AAMP: variants seen among roughly 807,000 people sequenced by gnomAD.
The protein encoded by AAMP is angio associated migratory cell protein.
In AAMP, 12 loss-of-function variants were observed where a neutral mutation model predicts 51.1. The observed-to-expected ratio is 0.23, with a 90% CI of 0.15 to 0.38. The LOEUF (loss-of-function observed/expected upper bound fraction) is 0.38. Ranked by LOEUF, AAMP falls within the 10% of genes least tolerant of loss-of-function variation. AAMP has a pLI of 1.00. For missense variants in AAMP, 418 were observed against 557.2 expected (o/e 0.75, Z 2.52); for synonymous variants, 210 against 218.7 (o/e 0.96, Z 0.35).
chr2:218,268,196 T>C (rs1194941208), intron 2 of AAMP, among the ~76,000 whole-genome samples: 1 of 152,020 alleles, frequency 6.6e-6, no homozygotes, highest in Non-Finnish European at 1.5e-5. Flanking sequence ...CTCGAACTCC[T>C]AACCTTCTGA....
Position 218,266,271 on chromosome 2 carries a change from G to A in AAMP, c.680-124C>T, listed in dbSNP as rs1690626025. The A allele has an allele frequency of 6.2e-6, 8 of 1,295,290 alleles. No homozygotes were observed. The highest frequency in any genetic ancestry group is 8.8e-6 in the Non-Finnish European group (8 of 913,174). The allele number at this position is 1,295,290 out of a possible 1,614,324, so 80.2% of individuals were successfully genotyped here. ...AGACACTGCCCCAGGAATCACAGGT[G>A]AGTTCAGAGCAGGAAGGAGGCGCTG... On this transcript the variant is annotated intron_variant, in intron 5 of 10. Coordinates refer to ENST00000248450, the MANE Select transcript of AAMP (RefSeq NM_001087.5). This position sits in a 1 kb window ranked among gnomAD's most constrained non-coding sequence, Gnocchi z 4.7.
rs1417134576 is a variant in AAMP, at chr2:218,265,449, T to C, written c.996A>G (p.Ala332=). The change falls in exon 9 of 11, where the codon GCA becomes GCG. Residue 332 remains alanine, a synonymous_variant. Coordinates refer to ENST00000248450, the MANE Select transcript of AAMP (RefSeq NM_001087.5). The surrounding 1 kb of genome is among the most constrained non-coding windows in gnomAD (Gnocchi z 6.6). The stretch of plus-strand genomic sequence containing the variant: ...AGGTCCCATCCAGGTAGCCAACAGC[T>C]GCCAGGGGCATCCTGGCCAGAGGAG... ...SLGFCSVMPL[A]AVGYLDGTLA... is the part of the protein sequence containing the mutation. 7.6e-6 allele frequency: 12 copies of C among 1,569,266 alleles called. No homozygotes were observed. Among genetic ancestry groups the C allele is most frequent in the African/African-American group, 4.1e-5 (3 of 73,820 alleles).
At position 218,266,184 on chromosome 2, in the gene AAMP, A is replaced by G. The variant is rs1448991720; in HGVS notation, c.680-37T>C. 6.4e-7 allele frequency: 1 copy of G among 1,568,632 alleles called. No homozygotes were observed. Among genetic ancestry groups the G allele is most frequent in the African/African-American group, 1.4e-5 (1 of 73,948 alleles). On this transcript the variant is annotated intron_variant, in intron 5 of 10. Transcript: ENST00000248450. This position sits in a 1 kb window ranked among gnomAD's most constrained non-coding sequence, Gnocchi z 4.7. ...CACAGATGAAGAGAGGGCAGAGGGC[A>G]CGCTCACATACACTAAGCAAGGGAA...
At position 218,269,448 on chromosome 2, in the gene AAMP, G is replaced by A; in HGVS notation, c.208C>T (p.Gln70Ter). Residue 70 changes from glutamine (Q) to a stop codon, truncating the protein, a stop_gained, in exon 2 of 11, where the codon CAG (glutamine) becomes TAG (stop). Transcript: ENST00000248450. LOFTEE classifies it high-confidence loss of function. Reference sequence around the variant, plus strand: ...TCCATGCTGCCGACCACCCCTTCCTGGGGTTCTAGAACCCAGCCCTCTTCG... The same window carrying A: ...TCCATGCTGCCGACCACCCCTTCCTAGGGTTCTAGAACCCAGCCCTCTTCG... ...GNEEGWVLEPQEGVVGSMEGP... is the reference protein window; with the variant it reads ...GNEEGWVLEP 2.5e-6 allele frequency: 4 copies of A among 1,614,144 alleles called. No individual in the cohort carries two copies. The highest frequency in any genetic ancestry group is 3.4e-6 in the Non-Finnish European group (4 of 1,180,032).
In AAMP at chr2:218,265,118, G is replaced by A. The variant is rs1371287897; in HGVS notation, c.1131C>T (p.Ser377=). Residue 377 remains serine (S), a synonymous_variant, in exon 10 of 11, where the codon AGC becomes AGT. Transcript: ENST00000248450. The surrounding 1 kb of genome is among the most constrained non-coding windows in gnomAD (Gnocchi z 6.6). ...CCCAGAGGCGCACGATGCCATCCAG[G>A]CTGCAGGTATATACCACGGCAGTGC... ...EAGTAVVYTC[S]LDGIVRLWDA... The A allele has an allele frequency of 6.2e-7, 1 of 1,611,602 alleles. No homozygotes were observed. Among genetic ancestry groups the A allele is most frequent in the East Asian group, 2.2e-5 (1 of 44,880 alleles).
intron 2 of AAMP, among the ~76,000 whole-genome samples, chr2:218,268,214 G>A (rs1029421032): frequency 7.2e-5 from 11 of 151,988 alleles, no homozygotes; most frequent in South Asian, 2.1e-4. Flanking sequence ...TGATCCACCC[G>A]CCTCGGCCTC....
chr2:218,268,768 G>A (rs1690702467), intron 2 of AAMP, among the ~76,000 whole-genome samples: 1 of 141,426 alleles, frequency 7.1e-6, no homozygotes, highest in Admixed American at 7.3e-5. Context: ...GCGCAGTCTT[G>A]GTCCACTGCA....
chr2:218,264,952 G>A, intron 10 of AAMP, 68 bp downstream of exon 10: 1 of 1,600,056 alleles, frequency 6.2e-7, no homozygotes, highest in African/African-American at 1.3e-5. Context: ...CAAGGATCCT[G>A]TGTCCCCTAC....
chr2:218,264,517 G>A lies in AAMP; in HGVS notation c.*16C>T. On this transcript the variant is annotated 3_prime_UTR_variant, in exon 11 of 11. Coordinates refer to ENST00000248450, the MANE Select transcript of AAMP (RefSeq NM_001087.5). Reference sequence around the variant, plus strand: ...CGTCCCCTCAACACCAGACACACAGGCAGGGGCTGCAGCCATTAACGGTCA... The same window carrying A: ...CGTCCCCTCAACACCAGACACACAGACAGGGGCTGCAGCCATTAACGGTCA... The A allele has an allele frequency of 6.2e-7, 1 of 1,612,822 alleles. No individual in the cohort carries two copies. Among genetic ancestry groups the A allele is most frequent in the Non-Finnish European group, 8.5e-7 (1 of 1,178,866 alleles).
chr2:218,269,436 C>G lies in AAMP; in HGVS notation c.220G>C (p.Val74Leu). The change falls in exon 2 of 11, where the codon GTC becomes CTC. Residue 74 changes from valine (V) to leucine (L), a missense_variant. Val to Leu is a conservative substitution (Grantham distance 32). Transcript: ENST00000248450. ...TCGTCGGGGCCCTCCATGCTGCCGA[C>G]CACCCCTTCCTGGGGTTCTAGAACC... The part of the protein sequence containing the change: ...GWVLEPQEGV[V>L]GSMEGPDDSE... 1 of 1,614,238 alleles carries G rather than the reference C, an allele frequency of 6.2e-7. No homozygotes were observed. Among genetic ancestry groups the G allele is most frequent in the Non-Finnish European group, 8.5e-7 (1 of 1,180,038 alleles).
chr2:218,264,199 A>G lies in AAMP; in HGVS notation c.*334T>C. 1 of 383,482 alleles carries G rather than the reference A, an allele frequency of 2.6e-6. No individual in the cohort carries two copies. Among genetic ancestry groups the G allele is most frequent in the South Asian group, 4.3e-5 (1 of 23,130 alleles). The allele number at this position is 383,482 out of a possible 1,614,324, so 23.8% of individuals were successfully genotyped here. ...ATCTCTTCCTCCTTTCCACCCCCAG[A>G]GACTTGGGAAGGGAAAGAACGGGAA... On this transcript the variant is annotated 3_prime_UTR_variant, in exon 11 of 11. Coordinates refer to ENST00000248450, the MANE Select transcript of AAMP (RefSeq NM_001087.5).
Position 218,266,250 on chromosome 2 carries a change from A to T in AAMP, c.680-103T>A. The T allele has an allele frequency of 7.5e-7, 1 of 1,341,784 alleles. No homozygotes were observed. The highest frequency in any genetic ancestry group is 1.1e-6 in the Non-Finnish European group (1 of 948,316). 83.1% of individuals were successfully genotyped at this position (1,341,784 alleles called of 1,614,324 possible). A position where few individuals can be genotyped will look rare whatever the true frequency, so the allele number is the denominator to read the frequency against. ...GAAAGAAGAGTGGAAGGGCCCAGAC[A>T]CTGCCCCAGGAATCACAGGTGAGTT... On this transcript the variant is annotated intron_variant, in intron 5 of 10. Transcript: ENST00000248450. The surrounding 1 kb of genome is among the most constrained non-coding windows in gnomAD (Gnocchi z 4.7).
At position 218,266,280 on chromosome 2, in the gene AAMP, G is replaced by A; in HGVS notation, c.680-133C>T. On this transcript the variant is annotated intron_variant, in intron 5 of 10. Coordinates refer to ENST00000248450, the MANE Select transcript of AAMP (RefSeq NM_001087.5). This position sits in a 1 kb window ranked among gnomAD's most constrained non-coding sequence, Gnocchi z 4.7. ...CCCAGGAATCACAGGTGAGTTCAGA[G>A]CAGGAAGGAGGCGCTGTGAACTTTG... The A allele has an allele frequency of 7.7e-7, 1 of 1,305,772 alleles. No homozygotes were observed. The highest frequency in any genetic ancestry group is 1.1e-6 in the Non-Finnish European group (1 of 927,784). The allele number at this position is 1,305,772 out of a possible 1,614,324, so 80.9% of individuals were successfully genotyped here.
Position 218,267,346 on chromosome 2 carries a change from T to G in AAMP, c.394+148A>C. 1 of 1,211,962 alleles carries G rather than the reference T, an allele frequency of 8.3e-7. No individual in the cohort carries two copies. The allele number at this position is 1,211,962 out of a possible 1,614,324, so 75.1% of individuals were successfully genotyped here. ...CTCTGTGCCCAAAACACACTAGTAT[T>G]CGCCCCGTGTCCCTGGGGCCCAGCA... On this transcript the variant is annotated intron_variant, in intron 3 of 10. Coordinates refer to ENST00000248450, the MANE Select transcript of AAMP (RefSeq NM_001087.5). The surrounding 1 kb of genome is among the most constrained non-coding windows in gnomAD (Gnocchi z 4.6).
Position 218,265,325 on chromosome 2 carries a change from C to CA in AAMP, c.1074+45dup, listed in dbSNP as rs1167608692. 6.5e-7 allele frequency: 1 copy of CA among 1,531,098 alleles called. No homozygotes were observed. Among genetic ancestry groups the CA allele is most frequent in the Non-Finnish European group, 8.9e-7 (1 of 1,127,288 alleles). The allele number at this position is 1,531,098 out of a possible 1,614,324, so 94.8% of individuals were successfully genotyped here. ...CTCCTGGAGGCCTGGGCTTCCCCAC[C>CA]ACTATGGACACAGCCCACAGGGACC... On this transcript the variant is annotated intron_variant, in intron 9 of 10. Transcript: ENST00000248450. The surrounding 1 kb of genome is among the most constrained non-coding windows in gnomAD (Gnocchi z 6.6).
rs1690591550 is a variant in AAMP, at chr2:218,265,130, T to C, written c.1119A>G (p.Val373=). 2 of 1,606,488 alleles carry C rather than the reference T, an allele frequency of 1.2e-6. No homozygotes were observed. The highest frequency in any genetic ancestry group is 1.7e-4 in the Middle Eastern group (1 of 5,930). ...CGATGCCATCCAGGCTGCAGGTATA[T>C]ACCACGGCAGTGCCTGCCTCCCACA... is the stretch of plus-strand genomic sequence containing the variant. ...QLLWEAGTAV[V]YTCSLDGIVR... is the part of the protein sequence containing the mutation. The change falls in exon 10 of 11, where the codon GTA becomes GTG. Residue 373 remains valine, a synonymous_variant. Transcript: ENST00000248450. This position sits in a 1 kb window ranked among gnomAD's most constrained non-coding sequence, Gnocchi z 6.6.
rs778423807 is a variant in AAMP at position 218,265,798 on chromosome 2, C to T, written c.879+33G>A. 13 of 1,593,838 alleles carry T rather than the reference C, an allele frequency of 8.2e-6. No homozygotes were observed. In the East Asian group the frequency reaches 1.8e-4, roughly 22 times the overall value. ...GAAGGAAGGAGAGGAGTCGGGAAAG[C>T]GGAGGCCCCAGCCGGGCTCCAGGTC... On this transcript the variant is annotated intron_variant, in intron 7 of 10. Transcript: ENST00000248450. This position sits in a 1 kb window ranked among gnomAD's most constrained non-coding sequence, Gnocchi z 6.6.
At chr2:218,269,136 G>A (rs968153416) in intron 2 of AAMP, among the ~76,000 whole-genome samples, 8 of 152,208 alleles carry the variant, frequency 5.3e-5, no homozygotes, top group African/African-American at 1.9e-4. Context: ...CCCGGCCAAA[G>A]ATAACTTTTT....
At position 218,265,416 on chromosome 2, in the gene AAMP, G is replaced by T; in HGVS notation, c.1029C>A (p.Ile343=). The T allele has an allele frequency of 6.4e-7, 1 of 1,564,276 alleles. No individual in the cohort carries two copies. The highest frequency in any genetic ancestry group is 1.9e-5 in the Admixed American group (1 of 51,982). ...TAAGAGTCTGCGTAGCCAGGTCATA[G>T]ATGGCCAAGGTCCCATCCAGGTAGC... The part of the protein sequence containing the change: ...AVGYLDGTLA[I]YDLATQTLRH... The change falls in exon 9 of 11, where the codon ATC becomes ATA. Residue 343 remains isoleucine, a synonymous_variant. Transcript: ENST00000248450. This position sits in a 1 kb window ranked among gnomAD's most constrained non-coding sequence, Gnocchi z 6.6.
Sources: gnomAD v4.1 joint callset for allele counts (sites outside exome capture counted in the v4.1 genomes callset) on GRCh38, gnomAD v4.1.1 for gene constraint, Gnocchi (gnomAD v3.1) non-coding constraint, MANE v1.5 for transcripts, NCBI Gene and HGNC (gene_info 2026-07-23, HGNC 2026-07-21) for gene names.